UNC5CL: variants seen among roughly 807,000 people sequenced by gnomAD.
UNC5CL encodes UNC5C-like protein.
Under a neutral mutation model 54.1 loss-of-function variants are expected in UNC5CL, and 42 were observed. That is an observed-to-expected ratio of 0.78 (90% CI 0.61 to 1.00). UNC5CL has a LOEUF of 1.00. UNC5CL is among the 50% of genes least tolerant of loss of function. UNC5CL has a pLI of 0.00. For synonymous variants in UNC5CL, 285 were observed against 285.1 expected (o/e 1.00, Z 0.00); for missense variants, 619 against 675.6 (o/e 0.92, Z 0.93).
In UNC5CL at chr6:41,027,549, G is replaced by C. The variant is rs1159891251; in HGVS notation, c.*824C>G. 1 of 152,370 alleles carries C rather than the reference G, an allele frequency of 6.6e-6. No individual in the cohort carries two copies. Among genetic ancestry groups the C allele is most frequent in the Middle Eastern group, 3.4e-3 (1 of 294 alleles). The allele number at this position is 152,370 out of a possible 1,614,324, so 9.4% of individuals were successfully genotyped here. A position where few individuals can be genotyped will look rare whatever the true frequency, so the allele number is the denominator to read the frequency against. On this transcript the variant is annotated 3_prime_UTR_variant, in exon 9 of 9. Coordinates refer to ENST00000244565, the MANE Select transcript of UNC5CL (RefSeq NM_173561.3). Reference sequence around the variant, plus strand: ...TACTCAGCTTTAATGTTTTCTGATAGAGAAAATGGCAGAGAGAGAGGAAGA... The same window carrying C: ...TACTCAGCTTTAATGTTTTCTGATACAGAAAATGGCAGAGAGAGAGGAAGA...
intron 1 of UNC5CL, among the ~76,000 whole-genome samples, chr6:41,038,303 T>C (rs578046715): frequency 6.6e-6 from 1 of 152,072 alleles, no homozygotes; most frequent in South Asian, 2.1e-4. Flanking sequence ...GGGATGGAAT[T>C]GCTAAAGGGA....
intron 6 of UNC5CL, 63 bp from the exon 7 acceptor site, chr6:41,030,818 C>G: frequency 6.8e-7 from 1 of 1,471,030 alleles, no homozygotes; most frequent in South Asian, 1.1e-5. Flanking sequence ...GAGTAAGAAG[C>G]TGGAGTCCTA....
intron 6 of UNC5CL, 61 bp downstream of exon 6, chr6:41,031,620 C>G (rs371932923): frequency 5.1e-6 from 8 of 1,556,132 alleles, no homozygotes; most frequent in Non-Finnish European, 7.1e-6. Flanking sequence ...GACCCTGTGC[C>G]CACTTTGCCT....
intron 1 of UNC5CL, among the ~76,000 whole-genome samples, chr6:41,036,515 T>A (rs976208797): frequency 6.6e-6 from 1 of 152,202 alleles, no homozygotes; most frequent in Non-Finnish European, 1.5e-5. Context: ...ACATCAAGCA[T>A]GTAGTTTGTA....
Position 41,032,104 on chromosome 6 carries a change from A to T in UNC5CL, c.983T>A (p.Leu328Gln). 1 of 1,614,216 alleles carries T rather than the reference A, an allele frequency of 6.2e-7. No homozygotes were observed. The highest frequency in any genetic ancestry group is 8.5e-7 in the Non-Finnish European group (1 of 1,180,034). ...ATGCCAGATGTGGAGATGGGGAACC[A>T]GCTGGCAACTGCTGTCATCCACATT... Reference protein sequence around the residue: ...WENVDDSSCQLVPHLHIWHGK... With the variant: ...WENVDDSSCQQVPHLHIWHGK... Residue 328 changes from leucine to glutamine, a missense_variant, in exon 5 of 9, where the codon CTG (leucine) becomes CAG (glutamine). Transcript: ENST00000244565.
chr6:41,034,016 C>T lies in UNC5CL; in HGVS notation c.551G>A (p.Cys184Tyr). 6.2e-7 allele frequency: 1 copy of T among 1,614,184 alleles called. No homozygotes were observed. The highest frequency in any genetic ancestry group is 8.5e-7 in the Non-Finnish European group (1 of 1,180,032). The change falls in exon 3 of 9, where the codon TGT becomes TAT. Residue 184 changes from cysteine (C) to tyrosine (Y), a missense_variant. Transcript: ENST00000244565. The stretch of plus-strand genomic sequence containing the variant: ...GCGAGCATGGCTGGGCTGCTCGGCA[C>T]AGTGTTTGAACGTGAGAGTGCAAGG... Reference protein sequence around the residue: ...LKPCTLTFKHCAEQPSHARTY... With the variant: ...LKPCTLTFKHYAEQPSHARTY...
In UNC5CL at chr6:41,028,408, C is replaced by A; in HGVS notation, c.1522G>T (p.Asp508Tyr). The change falls in exon 9 of 9, where the codon GAT becomes TAT. Residue 508 changes from aspartate (D) to tyrosine (Y), a missense_variant. Transcript: ENST00000244565. This position sits in a 1 kb window ranked among gnomAD's most constrained non-coding sequence, Gnocchi z 4.3. Reference protein sequence around the residue: ...SPGPERGGARDNQGLELDEKL With the variant: ...SPGPERGGARYNQGLELDEKL ...TCGTCCAGCTCCAGGCCCTGGTTAT[C>A]CCGGGCGCCCCCGCGCTCGGGGCCT... is the stretch of plus-strand genomic sequence containing the variant. The A allele has an allele frequency of 6.2e-7, 1 of 1,606,008 alleles. No homozygotes were observed. Among genetic ancestry groups the A allele is most frequent in the African/African-American group, 1.3e-5 (1 of 74,976 alleles).
intron 1 of UNC5CL, among the ~76,000 whole-genome samples, chr6:41,035,844 A>G (rs1762517355): frequency 6.6e-6 from 1 of 152,176 alleles, no homozygotes; most frequent in African/African-American, 2.4e-5. Context: ...CCAGTTTTCT[A>G]TCTGGCCTGG....
intron 5 of UNC5CL, 21 bp downstream of exon 5, chr6:41,032,015 C>T (rs1203896288): frequency 1.3e-6 from 2 of 1,598,626 alleles, no homozygotes; most frequent in African/African-American, 2.7e-5. Context: ...GGAGGAGGTA[C>T]ACACAGGGCT....
At position 41,032,140 on chromosome 6, in the gene UNC5CL, G is replaced by C; in HGVS notation, c.950-3C>G. 6.2e-7 allele frequency: 1 copy of C among 1,613,872 alleles called. No individual in the cohort carries two copies. Among genetic ancestry groups the C allele is most frequent in the Non-Finnish European group, 8.5e-7 (1 of 1,179,790 alleles). On this transcript the variant is annotated splice_polypyrimidine_tract_variant and splice_region_variant and intron_variant, in intron 4 of 8. Transcript: ENST00000244565. ...GCTGTCATCCACATTCTCCCAACCT[G>C]GTGAGTAGGCAGACAGCAGAGGGCC...
intron 1 of UNC5CL, among the ~76,000 whole-genome samples, chr6:41,036,749 CAAA>C (rs112162551): frequency 4.3e-5 from 4 of 92,782 alleles, no homozygotes; most frequent in Admixed American, 1.1e-4. Flanking sequence ...AAAGTGGAAG[CAAA>C]AAAAAAAAAA....
At chr6:41,036,609 T>C (rs1433556666) in intron 1 of UNC5CL, among the ~76,000 whole-genome samples, 1 of 152,224 alleles carries the variant, frequency 6.6e-6, no homozygotes, top group East Asian at 1.9e-4. Context: ...CATAAGGTCA[T>C]GTGAAAAGTA....
rs1178669704 is a variant in UNC5CL at position 41,032,872 on chromosome 6, T to C, written c.949+12A>G. 1 of 1,585,768 alleles carries C rather than the reference T, an allele frequency of 6.3e-7. No individual in the cohort carries two copies. Among genetic ancestry groups the C allele is most frequent in the South Asian group, 1.2e-5 (1 of 86,640 alleles). Reference sequence around the variant, plus strand: ...CCGATCATCCTATCCCACAGGCCACTGCCTCCCTCACCCTCTGAGATGTAC... The same window carrying C: ...CCGATCATCCTATCCCACAGGCCACCGCCTCCCTCACCCTCTGAGATGTAC... On this transcript the variant is annotated intron_variant, in intron 4 of 8. Transcript: ENST00000244565.
At chr6:41,036,180 TAC>T (rs1762522007) in intron 1 of UNC5CL, among the ~76,000 whole-genome samples, 1 of 152,258 alleles carries the variant, frequency 6.6e-6, no homozygotes, top group Non-Finnish European at 1.5e-5. Flanking sequence ...GAGAAATTAA[TAC>T]ATTTTATTTA....
intron 1 of UNC5CL, 81 bp from the exon 2 acceptor site, chr6:41,035,216 A>ACTTGCAGCTAT: frequency 9.3e-7 from 1 of 1,072,458 alleles, no homozygotes; most frequent in Non-Finnish European, 1.3e-6. Context: ...CATAGCTGCA[A>ACTTGCAGCTAT]GTTGTCTTCA....
Position 41,030,746 on chromosome 6 carries a change from T to C in UNC5CL, c.1129A>G (p.Thr377Ala), listed in dbSNP as rs774272621. Residue 377 changes from threonine to alanine, a missense_variant, in exon 7 of 9, where the codon ACC becomes GCC. Thr to Ala is a moderately conservative substitution (Grantham distance 58). Coordinates refer to ENST00000244565, the MANE Select transcript of UNC5CL (RefSeq NM_173561.3). ...TMHTFQDGLE[T>A]KYMEILRFQA... ...AATCTGAGGATTTCCATATACTTGG[T>C]CTCCAAGCCCTGAGTCAACACAGGG... 1.2e-6 allele frequency: 2 copies of C among 1,613,936 alleles called. No individual in the cohort carries two copies. Among genetic ancestry groups the C allele is most frequent in the South Asian group, 1.1e-5 (1 of 91,062 alleles).
chr6:41,028,631 G>A lies in UNC5CL; in HGVS notation c.1335-36C>T, dbSNP rs749628943. On this transcript the variant is annotated intron_variant, in intron 8 of 8. Transcript: ENST00000244565. This position sits in a 1 kb window ranked among gnomAD's most constrained non-coding sequence, Gnocchi z 4.3. ...GTAGGGGAGGAAGAGAAGGGTGTAG[G>A]AGCAGGGAGGGGCTCCCCCCCTGCT... The A allele has an allele frequency of 1.9e-6, 3 of 1,591,892 alleles. No individual in the cohort carries two copies. The South Asian group carries it at 3.3e-5, about 18-fold the overall frequency.
At chr6:41,032,538 T>G (rs1762466915) in intron 4 of UNC5CL, among the ~76,000 whole-genome samples, 1 of 152,116 alleles carries the variant, frequency 6.6e-6, no homozygotes, top group Non-Finnish European at 1.5e-5. Context: ...ACGGGTAGAT[T>G]ACTTGAGGTC....
rs771779269 is a variant in UNC5CL, at chr6:41,028,531, T to C, written c.1399A>G (p.Ser467Gly). ...ILELFEEQNG[S>G]LQELHYLMTV... ...ATGAGGTAGTGCAGCTCCTGCAGGCTGCCGTTCTGCTCCTCAAACAACTCC... is the reference window on the plus strand; with the variant it reads ...ATGAGGTAGTGCAGCTCCTGCAGGCCGCCGTTCTGCTCCTCAAACAACTCC... Residue 467 changes from serine (S) to glycine (G), a missense_variant, in exon 9 of 9, where the codon AGC becomes GGC. Physicochemically the swap from Ser to Gly is moderately conservative, Grantham distance 56. Coordinates refer to ENST00000244565, the MANE Select transcript of UNC5CL (RefSeq NM_173561.3). This position sits in a 1 kb window ranked among gnomAD's most constrained non-coding sequence, Gnocchi z 4.3. The C allele has an allele frequency of 1.2e-6, 2 of 1,613,886 alleles. No homozygotes were observed. The highest frequency in any genetic ancestry group is 2.2e-5 in the South Asian group (2 of 91,092).
Sources: gnomAD v4.1 joint callset for allele counts (sites outside exome capture counted in the v4.1 genomes callset) on GRCh38, gnomAD v4.1.1 for gene constraint, Gnocchi (gnomAD v3.1) non-coding constraint, MANE v1.5 for transcripts, NCBI Gene and HGNC (gene_info 2026-07-23, HGNC 2026-07-21) for gene names.